FAM120B: variants seen among roughly 807,000 people sequenced by gnomAD.
FAM120B encodes the protein constitutive coactivator of peroxisome proliferator-activated receptor gamma.
FAM120B carries 83 observed loss-of-function variants against 96.3 expected under a neutral mutation model. The observed-to-expected ratio is 0.86, with a 90% CI of 0.72 to 1.03. FAM120B has a LOEUF of 1.03. Among genes scored for constraint, FAM120B ranks in the 50% least tolerant of loss-of-function variants. The pLI is 0.00. For synonymous variants in FAM120B, 407 were observed against 402.7 expected (o/e 1.01, Z -0.13); for missense variants, 1,027 against 1,121.2 (o/e 0.92, Z 1.20).
chr6:170,321,333 G>C (rs9366204), intron 2 of FAM120B, among the ~76,000 whole-genome samples: 17,414 of 152,156 alleles, frequency 0.11, 1,311 homozygotes, highest in East Asian at 0.31. Context: ...TTGGATACAC[G>C]CATAACCACA....
chr6:170,371,513 A>G (rs1789187111), intron 6 of FAM120B, among the ~76,000 whole-genome samples: 1 of 152,188 alleles, frequency 6.6e-6, no homozygotes, highest in African/African-American at 2.4e-5. Context: ...TTTTTTTGAT[A>G]TGTACCTTTT....
chr6:170,293,451 C>A (rs919645902), upstream of FAM120B, among the ~76,000 whole-genome samples: 1 of 152,110 alleles, frequency 6.6e-6, no homozygotes, highest in Admixed American at 6.5e-5. Context: ...CTCTAACAAA[C>A]CCCCCTCAGT....
Position 170,353,196 on chromosome 6 carries a change from G to A in FAM120B, c.2190+4873G>A, listed in dbSNP as rs147192106. ...CAGGAAGAAATTGAATCCCTGAATA[G>A]ACCAATTGAATCCCTGAGTAGACCA... On this transcript the variant is annotated intron_variant, in intron 5 of 10. Transcript: ENST00000476287. 7.4e-3 allele frequency among the ~76,000 whole-genome samples: 1,119 copies of A among 152,118 alleles called. 6 individuals carry two copies. The highest frequency in any genetic ancestry group is 0.014 in the Middle Eastern group (4 of 294).
chr6:170,338,702 T>C (rs957565342), intron 4 of FAM120B, among the ~76,000 whole-genome samples: 6 of 152,332 alleles, frequency 3.9e-5, no homozygotes, highest in African/African-American at 1.4e-4. Context: ...ATCTGGGTGA[T>C]CCTGTATTGG....
intron 2 of FAM120B, among the ~76,000 whole-genome samples, chr6:170,319,855 A>G (rs984409796): frequency 6.6e-6 from 1 of 152,202 alleles, no homozygotes; most frequent in African/African-American, 2.4e-5. Flanking sequence ...GGGTTTGGAG[A>G]AAAAAATGGG....
intron 4 of FAM120B, among the ~76,000 whole-genome samples, chr6:170,336,410 C>T (rs1255521219): frequency 1.3e-5 from 2 of 152,028 alleles, no homozygotes; most frequent in African/African-American, 2.4e-5. Flanking sequence ...GTTTTGGTAC[C>T]AGTACCACGC....
chr6:170,390,540 G>C (rs756705907), intron 7 of FAM120B, among the ~76,000 whole-genome samples: 1 of 151,788 alleles, frequency 6.6e-6, no homozygotes, highest in Non-Finnish European at 1.5e-5. Flanking sequence ...AGGAAAGGTT[G>C]AATGTTCCAT....
rs1378665780 is a variant in FAM120B at position 170,404,585 on chromosome 6, T to C, written c.2728T>C (p.Tyr910His). The C allele has an allele frequency of 6.2e-7, 1 of 1,613,548 alleles. No homozygotes were observed. Among genetic ancestry groups the C allele is most frequent in the South Asian group, 1.1e-5 (1 of 91,058 alleles). ...GTATGAGCATGACCAGTGGAGAAGG[T>C]ACTAGTCAACCTCCAGGTAAGTTCA... ...RQYEHDQWRR[Y>H] is the part of the protein sequence containing the mutation. The change falls in exon 10 of 11, where the codon TAC (tyrosine) becomes CAC (histidine). Residue 910 changes from tyrosine (Y) to histidine (H), a missense_variant. Tyr to His is a moderately conservative substitution (Grantham distance 83). Coordinates refer to ENST00000476287, the MANE Select transcript of FAM120B (RefSeq NM_032448.3).
At chr6:170,314,100 T>C (rs1012572289) in intron 1 of FAM120B, among the ~76,000 whole-genome samples, 38 of 152,264 alleles carry the variant, frequency 2.5e-4, no homozygotes, top group African/African-American at 8.9e-4. Context: ...TTTCCCTATT[T>C]ACTGGTAACT....
chr6:170,373,755 T>C (rs967135707), intron 6 of FAM120B, among the ~76,000 whole-genome samples: 2 of 152,206 alleles, frequency 1.3e-5, no homozygotes, highest in Admixed American at 1.3e-4. Flanking sequence ...GAAGCACTTT[T>C]ACAGTATATT....
chr6:170,326,826 A>G (rs149321080), intron 3 of FAM120B, among the ~76,000 whole-genome samples: 1,617 of 151,200 alleles, frequency 0.011, 12 homozygotes, highest in Non-Finnish European at 0.018. Flanking sequence ...GCAGCCTTCA[A>G]CTCCAAGGCT....
chr6:170,372,856 C>T lies in FAM120B; in HGVS notation c.2283+14538C>T, dbSNP rs150945985. 3.0e-3 allele frequency among the ~76,000 whole-genome samples: 450 copies of T among 152,244 alleles called. 1 individual carries two copies. Among genetic ancestry groups the T allele is most frequent in the African/African-American group, 0.01 (432 of 41,538 alleles). ...ATTTTAGTTATAAAATCAAACTAGG[C>T]CTTTTGGACCAAAGAAAATCAGTTT... is the stretch of plus-strand genomic sequence containing the variant. On this transcript the variant is annotated intron_variant, in intron 6 of 10. Coordinates refer to ENST00000476287, the MANE Select transcript of FAM120B (RefSeq NM_032448.3).
intron 6 of FAM120B, among the ~76,000 whole-genome samples, chr6:170,374,875 T>A (rs1789415235): frequency 6.6e-6 from 1 of 152,254 alleles, no homozygotes; most frequent in Non-Finnish European, 1.5e-5. Context: ...CATCAGTAGA[T>A]GATAGTTTGG....
intron 4 of FAM120B, among the ~76,000 whole-genome samples, chr6:170,343,082 C>CT (rs1786944644): frequency 6.6e-6 from 1 of 152,142 alleles, no homozygotes; most frequent in Admixed American, 6.5e-5. Flanking sequence ...GTTATCACAC[C>CT]TGAGTTAGCC....
chr6:170,371,844 C>A (rs995139165), intron 6 of FAM120B, among the ~76,000 whole-genome samples: 27 of 152,284 alleles, frequency 1.8e-4, no homozygotes, highest in African/African-American at 6.0e-4. Flanking sequence ...CAGCGCCTGG[C>A]GCCAGCTGCC....
chr6:170,299,183 G>GT (rs1010559816), intron 1 of FAM120B, among the ~76,000 whole-genome samples: 86 of 152,096 alleles, frequency 5.7e-4, no homozygotes, highest in Non-Finnish European at 9.1e-4. Context: ...TTGTGGGAAG[G>GT]TTTTTTTTAT....
Position 170,348,224 on chromosome 6 carries a change from C to G in FAM120B, c.2091C>G (p.Leu697=), listed in dbSNP as rs1787334761. The change falls in exon 5 of 11, where the codon CTC becomes CTG. Residue 697 remains leucine, a synonymous_variant. Transcript: ENST00000476287. Reference sequence around the variant, plus strand: ...TACAGGTTCGGCGCTTGGACACACTCCTAGCCTGTTTCAATCTTTCCTCCT... The same window carrying G: ...TACAGGTTCGGCGCTTGGACACACTGCTAGCCTGTTTCAATCTTTCCTCCT... ...PEIQVRRLDT[L]LACFNLSSSR... 6.2e-7 allele frequency: 1 copy of G among 1,614,014 alleles called. No individual in the cohort carries two copies. The highest frequency in any genetic ancestry group is 8.5e-7 in the Non-Finnish European group (1 of 1,180,006).
chr6:170,328,047 C>G (rs549881686), intron 3 of FAM120B, among the ~76,000 whole-genome samples: 6 of 151,754 alleles, frequency 4.0e-5, no homozygotes, highest in East Asian at 3.9e-4. Flanking sequence ...TATTTCTTTC[C>G]TCAACAATAA....
chr6:170,346,714 T>A (rs1236500001), intron 4 of FAM120B, among the ~76,000 whole-genome samples: 1 of 152,098 alleles, frequency 6.6e-6, no homozygotes, highest in East Asian at 1.9e-4. Context: ...ATTTTTACTT[T>A]GGTTTTTTTT....
Sources: allele counts gnomAD v4.1 joint callset (sites outside exome capture counted in the v4.1 genomes callset), GRCh38; gene constraint gnomAD v4.1.1; transcripts MANE v1.5; gene names NCBI Gene and HGNC (gene_info 2026-07-23, HGNC 2026-07-21).